Variants in PRPSAP1 observed in about 807,000 individuals in gnomAD.
PRPSAP1 encodes the protein phosphoribosyl pyrophosphate synthase-associated protein 1.
A neutral mutation model predicts 39.4 loss-of-function variants in PRPSAP1; 31 were observed. That is an observed-to-expected ratio of 0.79 (90% CI 0.59 to 1.06). The LOEUF is 1.06. PRPSAP1 is among the 50% of genes least tolerant of loss of function. PRPSAP1 has a pLI of 0.00. For synonymous variants in PRPSAP1, 212 were observed against 192.6 expected, an observed-to-expected ratio of 1.10 and a Z score of -0.83; for missense variants, 430 against 511.6, an observed-to-expected ratio of 0.84 and a Z score of 1.54.
At chr17:76,317,851 C>T in intron 7 of PRPSAP1, among the ~76,000 whole-genome samples, 1 of 152,202 alleles carries the variant, frequency 6.6e-6, no homozygotes, top group South Asian at 2.1e-4. Context: ...TTGTTAGATG[C>T]CCTTGCCCAT....
At chr17:76,321,024 C>T (rs1030983809) in intron 7 of PRPSAP1, among the ~76,000 whole-genome samples, 8 of 151,902 alleles carry the variant, frequency 5.3e-5, no homozygotes, top group Non-Finnish European at 1.2e-4. Flanking sequence ...CTCAACTGAT[C>T]CTGGCACTTT....
intron 4 of PRPSAP1, among the ~76,000 whole-genome samples, chr17:76,331,706 G>A (rs1429771497): frequency 3.9e-5 from 6 of 151,982 alleles, no homozygotes; most frequent in Non-Finnish European, 5.9e-5. Flanking sequence ...ATTTCTTTCC[G>A]AGGACCCAAA....
chr17:76,327,327 G>A (rs1345059484), intron 7 of PRPSAP1, among the ~76,000 whole-genome samples: 11 of 143,142 alleles, frequency 7.7e-5, no homozygotes, highest in Admixed American at 1.4e-4. Flanking sequence ...CAGCCTGGGC[G>A]ACAGAACGAG....
At chr17:76,328,322 T>C (rs751636200) in intron 7 of PRPSAP1, among the ~76,000 whole-genome samples, 1 of 152,218 alleles carries the variant, frequency 6.6e-6, no homozygotes, top group Non-Finnish European at 1.5e-5. Context: ...CCAGGTGCAG[T>C]GGCTCATGCC....
chr17:76,311,444 G>A lies in PRPSAP1; in HGVS notation c.*98C>T. On this transcript the variant is annotated 3_prime_UTR_variant, in exon 10 of 10. Coordinates refer to ENST00000446526, the MANE Select transcript of PRPSAP1 (RefSeq NM_002766.3). ...AAAAGAAGATATCTAACTCCAGGCT[G>A]TTTCGAGTCCTCCCTTGCAAGGAAA... 1 of 1,365,912 alleles carries A rather than the reference G, an allele frequency of 7.3e-7. No individual in the cohort carries two copies. The highest frequency in any genetic ancestry group is 9.9e-7 in the Non-Finnish European group (1 of 1,013,148). 84.6% of individuals were successfully genotyped at this position (1,365,912 alleles called of 1,614,324 possible). A position where few individuals can be genotyped will look rare whatever the true frequency, so the allele number is the denominator to read the frequency against.
At chr17:76,316,437 T>G (rs1477082511) in intron 7 of PRPSAP1, among the ~76,000 whole-genome samples, 1 of 152,160 alleles carries the variant, frequency 6.6e-6, no homozygotes, top group Non-Finnish European at 1.5e-5. Flanking sequence ...GCCTTTAGGT[T>G]CTGAATAAAA....
chr17:76,347,060 A>C (rs1282842505), intron 2 of PRPSAP1, among the ~76,000 whole-genome samples: 3 of 152,054 alleles, frequency 2.0e-5, no homozygotes, highest in Non-Finnish European at 4.4e-5. Flanking sequence ...CGAAGGAGAA[A>C]GAACAATGGG....
intron 2 of PRPSAP1, chr17:76,346,012 G>T: frequency 2.2e-6 from 1 of 461,664 alleles, no homozygotes; most frequent in Non-Finnish European, 4.2e-6. Flanking sequence ...AGGGAAAAAG[G>T]AAAAAGCTGA....
rs993660985 is a variant in PRPSAP1, at chr17:76,353,736, C to T, written c.-33G>A. ...CCCGCGGCGCGGTTACGACCGGCCC[C>T]GCGCGGGGCTGCACTCTGAGTGCTT... On this transcript the variant is annotated 5_prime_UTR_variant, in exon 1 of 10. Coordinates refer to ENST00000446526, the MANE Select transcript of PRPSAP1 (RefSeq NM_002766.3). The T allele has an allele frequency of 3.5e-6, 5 of 1,430,466 alleles. No individual in the cohort carries two copies. The highest frequency in any genetic ancestry group is 1.5e-5 in the African/African-American group (1 of 66,440). The allele number at this position is 1,430,466 out of a possible 1,614,324, so 88.6% of individuals were successfully genotyped here. A position where few individuals can be genotyped will look rare whatever the true frequency, so the allele number is the denominator to read the frequency against.
rs2071328859 is a variant in PRPSAP1, at chr17:76,332,210, G to C, written c.463+53C>G. On this transcript the variant is annotated intron_variant, in intron 4 of 9. Transcript: ENST00000446526. ...TGAGGTATGAGCTAAGTCCAACTAG[G>C]AAAGAGCCCTAAAGGATCATGCTGG... The C allele has an allele frequency of 2.5e-6, 4 of 1,581,220 alleles. No individual in the cohort carries two copies. In the African/African-American group the frequency reaches 5.4e-5, roughly 21 times the overall value.
intron 1 of PRPSAP1, among the ~76,000 whole-genome samples, chr17:76,352,538 G>A (rs1388190361): frequency 6.6e-6 from 1 of 151,678 alleles, no homozygotes; most frequent in Non-Finnish European, 1.5e-5. Context: ...CCAGCTACTT[G>A]GGAGGCTGGG....
At chr17:76,345,381 C>G (rs1335747760) in intron 2 of PRPSAP1, among the ~76,000 whole-genome samples, 4 of 145,372 alleles carry the variant, frequency 2.8e-5, no homozygotes, top group East Asian at 2.1e-4. Flanking sequence ...GCAGAAGAAT[C>G]ACTTGAACCT....
At chr17:76,351,289 A>G (rs2071567043) in intron 1 of PRPSAP1, among the ~76,000 whole-genome samples, 1 of 151,784 alleles carries the variant, frequency 6.6e-6, no homozygotes, top group African/African-American at 2.4e-5. Context: ...GGCCGAGGCG[A>G]GTGGATCACG....
At chr17:76,320,096 C>G (rs1343562537) in intron 7 of PRPSAP1, among the ~76,000 whole-genome samples, 1 of 151,844 alleles carries the variant, frequency 6.6e-6, no homozygotes, top group Non-Finnish European at 1.5e-5. Context: ...ATGGCGAAAC[C>G]CTGTCTCTAC....
chr17:76,353,627 G>A lies in PRPSAP1; in HGVS notation c.77C>T (p.Pro26Leu). ...GCGAGCGGCGTTCATGGCCGGCGGG[G>A]GAACGGGGCGGGCGCGCGGGACGCG... ...AFRVPRARPV[P>L]PPAMNAARTG... Residue 26 changes from proline to leucine, a missense_variant, in exon 1 of 10, where the codon CCC (proline) becomes CTC (leucine). Pro to Leu is a moderately conservative substitution (Grantham distance 98). Transcript: ENST00000446526. 6.5e-7 allele frequency: 1 copy of A among 1,547,810 alleles called. No homozygotes were observed. Among genetic ancestry groups the A allele is most frequent in the Non-Finnish European group, 8.7e-7 (1 of 1,152,648 alleles).
intron 3 of PRPSAP1, among the ~76,000 whole-genome samples, chr17:76,337,629 A>T (rs2071393884): frequency 6.6e-6 from 1 of 152,064 alleles, no homozygotes; most frequent in Non-Finnish European, 1.5e-5. Context: ...AGACTGAGTC[A>T]CTCTGTCACC....
At chr17:76,343,324 G>A (rs1210144366) in intron 3 of PRPSAP1, among the ~76,000 whole-genome samples, 41 of 152,224 alleles carry the variant, frequency 2.7e-4, no homozygotes, top group Admixed American at 2.6e-3. Context: ...TCAGCCCCCT[G>A]CCCTGAGGGA....
chr17:76,342,847 G>A (rs1040142421), intron 3 of PRPSAP1, among the ~76,000 whole-genome samples: 2 of 152,086 alleles, frequency 1.3e-5, no homozygotes, highest in African/African-American at 4.8e-5. Flanking sequence ...GGAGGCTGAG[G>A]CAGGCGGATC....
At chr17:76,345,866 C>T (rs906826036) in intron 2 of PRPSAP1, 6 of 417,886 alleles carry the variant, frequency 1.4e-5, no homozygotes, top group South Asian at 1.1e-4. Flanking sequence ...GAAGGGGATG[C>T]TAAGGGAGAT....
Sources: allele counts gnomAD v4.1 joint callset (sites outside exome capture counted in the v4.1 genomes callset), GRCh38; gene constraint gnomAD v4.1.1; transcripts MANE v1.5; gene names NCBI Gene and HGNC (gene_info 2026-07-23, HGNC 2026-07-21).